GRTP1: variants seen among roughly 807,000 people sequenced by gnomAD.
GRTP1 encodes the protein growth hormone regulated TBC protein 1, also known as growth hormone-regulated TBC protein 1.
A neutral mutation model predicts 38.1 loss-of-function variants in GRTP1; 56 were observed. The ratio of observed to expected loss-of-function variants is 1.47; its 90% CI spans 1.19 to 1.84. The LOEUF (loss-of-function observed/expected upper bound fraction) is 1.84. Among genes scored for constraint, GRTP1 ranks in the 40% most tolerant of loss-of-function variants. The pLI is 0.00. For synonymous variants in GRTP1, 217 were observed against 189.5 expected (o/e 1.14, Z -1.19); for missense variants, 506 against 453.9 (o/e 1.11, Z -1.04).
intron 2 of GRTP1, among the ~76,000 whole-genome samples, chr13:113,357,546 T>C (rs1200930763): frequency 6.6e-6 from 1 of 152,000 alleles, no homozygotes; most frequent in African/African-American, 2.4e-5. Context: ...GCACACTTGG[T>C]TTACGGTTTA....
intron 5 of GRTP1, among the ~76,000 whole-genome samples, chr13:113,327,154 T>G (rs562846242): frequency 6.6e-6 from 1 of 152,366 alleles, no homozygotes; most frequent in East Asian, 1.9e-4. Flanking sequence ...TACGTAATTT[T>G]TTAACTTGTT....
At chr13:113,327,258 C>G (rs2042788351) in intron 5 of GRTP1, among the ~76,000 whole-genome samples, 1 of 152,110 alleles carries the variant, frequency 6.6e-6, no homozygotes. Context: ...CTCACTGGAA[C>G]CTCTCTGCCT....
Position 113,348,074 on chromosome 13 carries a change from C to G in GRTP1, c.465+2775G>C, listed in dbSNP as rs1486318829. 3.9e-5 allele frequency among the ~76,000 whole-genome samples: 6 copies of G among 152,118 alleles called. No individual in the cohort carries two copies. On this transcript the variant is annotated intron_variant, in intron 4 of 7. Transcript: ENST00000375431. The surrounding 1 kb of genome is among the most constrained non-coding windows in gnomAD (Gnocchi z 4.8). ...GATCTCCGTGGCTGAGAATGGACCC[C>G]TTTGAGTGGACAGTGCTACTGGACC... is the stretch of plus-strand genomic sequence containing the variant.
chr13:113,334,147 T>C (rs1029296086), intron 5 of GRTP1, among the ~76,000 whole-genome samples: 1 of 152,176 alleles, frequency 6.6e-6, no homozygotes, highest in African/African-American at 2.4e-5. Flanking sequence ...TGCCTGTGCA[T>C]TTAGAAACAT....
chr13:113,356,297 T>C (rs1225584963), intron 2 of GRTP1, among the ~76,000 whole-genome samples: 1 of 152,216 alleles, frequency 6.6e-6, no homozygotes, highest in Non-Finnish European at 1.5e-5. Flanking sequence ...AGACGGAGTC[T>C]TGTTCTGTCG....
At chr13:113,359,040 G>A (rs992299566) in intron 2 of GRTP1, among the ~76,000 whole-genome samples, 7 of 152,172 alleles carry the variant, frequency 4.6e-5, no homozygotes, top group African/African-American at 7.2e-5. Flanking sequence ...TAGTACATCC[G>A]TAAATGAAGT....
At chr13:113,347,250 GGACCTC>G (rs2043162842) in intron 4 of GRTP1, among the ~76,000 whole-genome samples, 1 of 90,058 alleles carries the variant, frequency 1.1e-5, no homozygotes, top group African/African-American at 5.8e-5. Flanking sequence ...GGACCTGGGA[GGACCTC>G]TGTGGCTGAG....
rs2043215405 is a variant in GRTP1, at chr13:113,348,944, GCACATCTCCGCACA to G, written c.465+1891_465+1904del. Among the ~76,000 whole-genome samples the G allele has an allele frequency of 6.6e-6, 1 of 152,218 alleles. No individual in the cohort carries two copies. Among genetic ancestry groups the G allele is most frequent in the Admixed American group, 6.5e-5 (1 of 15,280 alleles). ...AGGGGCCCACAGCAAGCTAACAGGT[GCACATCTCCGCACA>G]CACATGTACGTATGTGCCTGTAGGT... On this transcript the variant is annotated intron_variant, in intron 4 of 7. Coordinates refer to ENST00000375431, the MANE Select transcript of GRTP1 (RefSeq NM_024719.4). This position sits in a 1 kb window ranked among gnomAD's most constrained non-coding sequence, Gnocchi z 4.8.
chr13:113,334,795 C>CT (rs2042931274), intron 5 of GRTP1, among the ~76,000 whole-genome samples: 1 of 152,136 alleles, frequency 6.6e-6, no homozygotes, highest in South Asian at 2.1e-4. Flanking sequence ...GCCTTTTCCT[C>CT]TTTAACTTCT....
At chr13:113,325,883 G>GGCCC (rs1317329397) in intron 6 of GRTP1, 36 bp downstream of exon 6, 1 of 1,613,512 alleles carries the variant, frequency 6.2e-7, no homozygotes, top group Non-Finnish European at 8.5e-7. Context: ...ACTCCCTGGC[G>GGCCC]GCCCGCCCGC....
At chr13:113,339,799 T>C (rs1041096831) in intron 5 of GRTP1, 36 of 152,230 alleles carry the variant, frequency 2.4e-4, no homozygotes, top group African/African-American at 8.0e-4. Context: ...TTATTCCATA[T>C]GATTAAGCCA....
In GRTP1 at chr13:113,324,478, A is replaced by C. The variant is rs747443002; in HGVS notation, c.*10T>G. On this transcript the variant is annotated 3_prime_UTR_variant, in exon 8 of 8. Transcript: ENST00000375431. ...AGTGTAGAGACGAGCAACGCAGGGG[A>C]CAGGCACGCTCACCCCTGTGCCAGC... 54 of 1,602,026 alleles carry C rather than the reference A, an allele frequency of 3.4e-5. No individual in the cohort carries two copies. Among genetic ancestry groups the C allele is most frequent in the African/African-American group, 5.4e-5 (4 of 74,666 alleles).
At chr13:113,363,064 A>C (rs994429323) in intron 2 of GRTP1, among the ~76,000 whole-genome samples, 6 of 152,160 alleles carry the variant, frequency 3.9e-5, no homozygotes, top group Non-Finnish European at 8.8e-5. Context: ...AGAAATGAGG[A>C]GGTGCCCTCC....
Position 113,348,788 on chromosome 13 carries a change from G to A in GRTP1, c.465+2061C>T, listed in dbSNP as rs1464132319. Among the ~76,000 whole-genome samples the A allele has an allele frequency of 1.3e-5, 2 of 152,172 alleles. No individual in the cohort carries two copies. The highest frequency in any genetic ancestry group is 3.9e-4 in the East Asian group (2 of 5,180). The stretch of plus-strand genomic sequence containing the variant: ...GGCCTGGGACAGTCCGTCCGTCACA[G>A]CCTCAGAAAGAACCCGCCCCGCAGA... On this transcript the variant is annotated intron_variant, in intron 4 of 7. Coordinates refer to ENST00000375431, the MANE Select transcript of GRTP1 (RefSeq NM_024719.4). This position sits in a 1 kb window ranked among gnomAD's most constrained non-coding sequence, Gnocchi z 4.8.
intron 3 of GRTP1, among the ~76,000 whole-genome samples, chr13:113,354,694 A>G (rs962651981): frequency 2.0e-5 from 3 of 151,742 alleles, no homozygotes; most frequent in Admixed American, 2.0e-4. Flanking sequence ...ACGCCCGGCT[A>G]TTTTGTATTT....
intron 5 of GRTP1, among the ~76,000 whole-genome samples, chr13:113,338,983 G>A (rs1357609983): frequency 1.4e-5 from 2 of 147,178 alleles, no homozygotes; most frequent in South Asian, 2.1e-4. Flanking sequence ...GTGCAGTCTC[G>A]GCTCACTGCA....
chr13:113,360,578 A>C (rs1209917783), intron 2 of GRTP1, among the ~76,000 whole-genome samples: 1 of 152,156 alleles, frequency 6.6e-6, no homozygotes, highest in African/African-American at 2.4e-5. Context: ...GCCAGTGCTC[A>C]TGGGCACCCT....
chr13:113,359,250 T>G (rs2043450580), intron 2 of GRTP1, among the ~76,000 whole-genome samples: 1 of 152,242 alleles, frequency 6.6e-6, no homozygotes, highest in Non-Finnish European at 1.5e-5. Flanking sequence ...GACAGGATTG[T>G]TGAAGGCGAC....
At position 113,324,562 on chromosome 13, in the gene GRTP1, G is replaced by A. The variant is rs1282976342; in HGVS notation, c.937C>T (p.Pro313Ser). The A allele has an allele frequency of 1.2e-6, 2 of 1,609,372 alleles. No homozygotes were observed. Among genetic ancestry groups the A allele is most frequent in the African/African-American group, 2.7e-5 (2 of 74,808 alleles). ...HTFMQKIFSE[P>S]GSLSMATVAK... ...ACGGTGGCCATGGATAAGCTTCCAG[G>A]TTCTGAAAATATTTTCTGGAAGGCA... Residue 313 changes from proline (P) to serine (S), a missense_variant, in exon 8 of 8, where the codon CCT becomes TCT. Physicochemically the swap from Pro to Ser is moderately conservative, Grantham distance 74 (BLOSUM62 -1). Transcript: ENST00000375431.
Sources: gnomAD v4.1 joint callset for allele counts (sites outside exome capture counted in the v4.1 genomes callset) on GRCh38, gnomAD v4.1.1 for gene constraint, Gnocchi (gnomAD v3.1) non-coding constraint, MANE v1.5 for transcripts, NCBI Gene and HGNC (gene_info 2026-07-23, HGNC 2026-07-21) for gene names.